Variants in PAK3 observed in about 807,000 individuals in gnomAD.
The protein encoded by PAK3 is serine/threonine-protein kinase PAK 3.
In PAK3, 4 loss-of-function variants were observed where a neutral mutation model predicts 41.0. That is an observed-to-expected ratio of 0.10 (90% CI 0.05 to 0.22). The LOEUF is 0.22. Among genes scored for constraint, PAK3 ranks in the 10% least tolerant of loss-of-function variants. The probability of loss-of-function intolerance (pLI) is 1.00; values close to 1 mark genes in which losing one functional copy is unlikely to be tolerated. For missense variants in PAK3, 205 were observed against 409.9 expected, an observed-to-expected ratio of 0.50 and a Z score of 4.32; for synonymous variants, 146 against 139.6, an observed-to-expected ratio of 1.05 and a Z score of -0.32.
intron 1 of PAK3, among the ~76,000 whole-genome samples, chrX:111,052,862 C>G (rs900479092): frequency 1.8e-5 from 2 of 112,046 alleles, no homozygotes; most frequent in Admixed American, 1.9e-4. Context: ...CTGCCATACC[C>G]CTTTAACCAT....
At chrX:111,005,808 T>A (rs1428196611) in intron 1 of PAK3, among the ~76,000 whole-genome samples, 4 of 111,976 alleles carry the variant, frequency 3.6e-5, no homozygotes, top group African/African-American at 1.3e-4. Context: ...TCATAAGGAC[T>A]GTGCTAAGCA....
At chrX:111,179,355 G>T (rs2094441881) in intron 11 of PAK3, among the ~76,000 whole-genome samples, 1 of 109,847 alleles carries the variant, frequency 9.1e-6, no homozygotes, top group African/African-American at 3.3e-5. Flanking sequence ...ATTGTTTTTT[G>T]AATTTGTCCT....
intron 3 of PAK3, among the ~76,000 whole-genome samples, chrX:111,099,126 G>A (rs2093071863): frequency 8.9e-6 from 1 of 112,419 alleles, no homozygotes; most frequent in African/African-American, 3.2e-5. Context: ...TAGGGTTACC[G>A]GAGAACCAAA....
intron 1 of PAK3, among the ~76,000 whole-genome samples, chrX:110,988,772 G>T (rs1374874735): frequency 1.8e-5 from 2 of 111,774 alleles, no homozygotes; most frequent in African/African-American, 6.5e-5. Flanking sequence ...TCATATAATG[G>T]CCCTGGCCTG....
chrX:111,101,647 C>T (rs750654927), intron 3 of PAK3, among the ~76,000 whole-genome samples: 39 of 112,127 alleles, frequency 3.5e-4, no homozygotes, highest in Admixed American at 2.7e-3. Flanking sequence ...CTTCCTGTGT[C>T]CTCCTTGAGC....
At chrX:111,185,147 G>A (rs2094497253) in intron 11 of PAK3, among the ~76,000 whole-genome samples, 1 of 112,217 alleles carries the variant, frequency 8.9e-6, no homozygotes, top group Admixed American at 9.4e-5. Flanking sequence ...TTCTTGACCA[G>A]TGATGATGAG....
At chrX:110,963,607 C>T (rs761914940) in intron 1 of PAK3, among the ~76,000 whole-genome samples, 1 of 112,390 alleles carries the variant, frequency 8.9e-6, no homozygotes, top group Admixed American at 9.4e-5. Flanking sequence ...TCATCTCTCC[C>T]TAAACAAATA....
chrX:111,207,633 G>A (rs2094768244), intron 16 of PAK3, among the ~76,000 whole-genome samples: 2 of 111,798 alleles, frequency 1.8e-5, no homozygotes, highest in Admixed American at 9.5e-5. Flanking sequence ...TTGCAAGCAA[G>A]GTATTGTTAT....
chrX:111,092,206 C>G (rs2148858713), upstream of PAK3, among the ~76,000 whole-genome samples: 1 of 111,808 alleles, frequency 8.9e-6, no homozygotes, highest in East Asian at 2.8e-4. Context: ...ACTGTATTTC[C>G]TATTTCCCCT....
Position 111,224,612 on chromosome X carries a change from T to G in PAK3, c.*4165T>G, listed in dbSNP as rs1395126144. 2 of 112,680 alleles carry G rather than the reference T, an allele frequency of 1.8e-5. No individual in the cohort carries two copies. Among genetic ancestry groups the G allele is most frequent in the Non-Finnish European group, 3.7e-5 (2 of 53,366 alleles). 9.3% of individuals were successfully genotyped at this position (112,680 alleles called of 1,213,427 possible). On this transcript the variant is annotated 3_prime_UTR_variant, in exon 18 of 18. Transcript: ENST00000372007. ...TCTGCCTGTTGGCATTCAGTTATAG[T>G]TCTGTTAATTTTGGCTTGGGATGGT... is the stretch of plus-strand genomic sequence containing the variant.
intron 16 of PAK3, among the ~76,000 whole-genome samples, chrX:111,210,520 T>C (rs1200034315): frequency 8.9e-6 from 1 of 112,138 alleles, no homozygotes; most frequent in Admixed American, 9.5e-5. Flanking sequence ...TTTTTCATTT[T>C]CTGCATATCT....
upstream of PAK3, among the ~76,000 whole-genome samples, chrX:111,094,110 AAAGAT>A (rs2092950200): frequency 9.0e-6 from 1 of 110,834 alleles, no homozygotes; most frequent in South Asian, 3.8e-4. Flanking sequence ...AGTTAGTTAA[AAAGAT>A]ATCTGTAAAA....
At chrX:111,168,893 C>T (rs374365660) in intron 10 of PAK3, among the ~76,000 whole-genome samples, 1 of 111,290 alleles carries the variant, frequency 9.0e-6, no homozygotes, top group African/African-American at 3.3e-5. Context: ...ATAAAAAAGT[C>T]CAGGCCCTTG....
intron 1 of PAK3, among the ~76,000 whole-genome samples, chrX:111,082,900 A>G (rs1346601884): frequency 8.9e-6 from 1 of 112,202 alleles, no homozygotes; most frequent in African/African-American, 3.2e-5. Context: ...CTAGCTTTGT[A>G]TCTTCTATGT....
chrX:111,120,240 G>C (rs1376557623), intron 4 of PAK3, among the ~76,000 whole-genome samples: 1 of 112,175 alleles, frequency 8.9e-6, no homozygotes, highest in East Asian at 2.8e-4. Flanking sequence ...CTGTGATACT[G>C]ACCATGGCAA....
chrX:111,072,799 T>G (rs2092755669), intron 1 of PAK3, among the ~76,000 whole-genome samples: 1 of 111,632 alleles, frequency 9.0e-6, no homozygotes, highest in African/African-American at 3.3e-5. Context: ...TGAGCTAGGG[T>G]GGTGGGAGTG....
At chrX:111,079,699 C>T (rs184951604) in intron 1 of PAK3, among the ~76,000 whole-genome samples, 234 of 112,183 alleles carry the variant, frequency 2.1e-3, no homozygotes, top group Non-Finnish European at 3.5e-3. Context: ...GTTATAACTG[C>T]CATGGATAGC....
chrX:110,948,288 G>A lies in PAK3; in HGVS notation c.-28+3660G>A, dbSNP rs192560558. ...GCTGACTAGAGAACCCTGGAGTTAG[G>A]AATTAAGTTTAGTTGGAAAGTTGCT... On this transcript the variant is annotated intron_variant, in intron 1 of 14. Coordinates refer to the PAK3 transcript ENST00000425146. Among the ~76,000 whole-genome samples, 99 of 112,046 alleles carry A rather than the reference G, an allele frequency of 8.8e-4. 1 individual carries two copies. The highest frequency in any genetic ancestry group is 1.2e-3 in the Non-Finnish European group (66 of 53,207).
At chrX:111,032,547 A>G (rs1434252591) in intron 1 of PAK3, among the ~76,000 whole-genome samples, 1 of 111,715 alleles carries the variant, frequency 9.0e-6, no homozygotes, top group Non-Finnish European at 1.9e-5. Flanking sequence ...ATGACCTGTG[A>G]ACTATGTACT....
Sources: allele counts gnomAD v4.1 joint callset (sites outside exome capture counted in the v4.1 genomes callset), GRCh38; gene constraint gnomAD v4.1.1; transcripts MANE v1.5; gene names NCBI Gene and HGNC (gene_info 2026-07-23, HGNC 2026-07-21).